DPYSL4: variants seen among roughly 807,000 people sequenced by gnomAD.
DPYSL4 encodes the protein dihydropyrimidinase like 4, also known as dihydropyrimidinase-related protein 4.
A neutral mutation model predicts 63.4 loss-of-function variants in DPYSL4; 43 were observed. That is an observed-to-expected ratio of 0.68 (90% CI 0.53 to 0.88). The LOEUF (loss-of-function observed/expected upper bound fraction) is 0.88. DPYSL4 is among the 40% of genes least tolerant of loss of function. The probability of loss-of-function intolerance (pLI) is 0.00; values close to 1 mark genes in which losing one functional copy is unlikely to be tolerated. For missense variants in DPYSL4, 733 were observed against 819.5 expected (o/e 0.89, Z 1.29); for synonymous variants, 353 against 331.7 (o/e 1.06, Z -0.70).
At chr10:132,195,589 G>A (rs1407751472) in intron 4 of DPYSL4, among the ~76,000 whole-genome samples, 2 of 152,162 alleles carry the variant, frequency 1.3e-5, no homozygotes, top group Non-Finnish European at 2.9e-5. Flanking sequence ...TCAAGGCCCT[G>A]GCACTCCCAG....
intron 12 of DPYSL4, 138 bp from the exon 13 acceptor site, chr10:132,203,624 G>A (rs1407194683): frequency 7.4e-6 from 6 of 810,368 alleles, no homozygotes; most frequent in Non-Finnish European, 1.1e-5. Context: ...CCAAATTCCT[G>A]AAGCTGGCAC....
At chr10:132,203,969 C>T (rs374622680) in intron 13 of DPYSL4, 42 bp downstream of exon 13, 8 of 1,563,300 alleles carry the variant, frequency 5.1e-6, no homozygotes, top group Non-Finnish European at 7.0e-6. Context: ...AGGGGCTCTG[C>T]CGGAGCATCC....
intron 2 of DPYSL4, among the ~76,000 whole-genome samples, chr10:132,191,055 C>G (rs2061868256): frequency 6.8e-6 from 1 of 146,532 alleles, no homozygotes; most frequent in African/African-American, 2.6e-5. Flanking sequence ...ACACGCTGGT[C>G]ACATGGTATC....
intron 9 of DPYSL4, 107 bp from the exon 10 acceptor site, chr10:132,200,735 C>G: frequency 6.9e-7 from 1 of 1,459,592 alleles, no homozygotes; most frequent in Non-Finnish European, 9.1e-7. Context: ...GAGAGCCACT[C>G]AGATGACCTC....
chr10:132,198,586 G>A, intron 7 of DPYSL4, 103 bp downstream of exon 7: 5 of 1,263,836 alleles, frequency 4.0e-6, no homozygotes, highest in Non-Finnish European at 5.5e-6. Context: ...CCCTGCCACT[G>A]TGCTCGCCCC....
chr10:132,197,170 TG>T, intron 6 of DPYSL4, 69 bp downstream of exon 6: 2 of 1,364,416 alleles, frequency 1.5e-6, no homozygotes. Context: ...GCCTGTGGGG[TG>T]GGGCAGGGGT....
chr10:132,188,974 C>T (rs1323989779), intron 1 of DPYSL4, among the ~76,000 whole-genome samples: 1 of 152,244 alleles, frequency 6.6e-6, no homozygotes, highest in Non-Finnish European at 1.5e-5. Context: ...CCTGAAAATA[C>T]AGCCCCACAG....
chr10:132,190,954 T>C (rs1191769766), intron 2 of DPYSL4, 119 bp downstream of exon 2: 1 of 977,624 alleles, frequency 1.0e-6, no homozygotes, highest in Non-Finnish European at 1.5e-6. Flanking sequence ...TCACGTGGTA[T>C]CCAGGCAGGT....
In DPYSL4 at chr10:132,195,029, C is replaced by A; in HGVS notation, c.478+20C>A. The stretch of plus-strand genomic sequence containing the variant: ...AGAAGGGTGAGGGTGGCTGGAGGGG[C>A]TGGAGGGCGGGCATGGAGCCTGGTG... On this transcript the variant is annotated intron_variant, in intron 4 of 13. Transcript: ENST00000338492. 6.3e-7 allele frequency: 1 copy of A among 1,590,586 alleles called. No individual in the cohort carries two copies. The highest frequency in any genetic ancestry group is 8.5e-7 in the Non-Finnish European group (1 of 1,174,504).
Position 132,203,867 on chromosome 10 carries a change from C to T in DPYSL4, c.1567C>T (p.Pro523Ser), listed in dbSNP as rs780508331. 73 of 1,612,944 alleles carry T rather than the reference C, an allele frequency of 4.5e-5. 1 individual carries two copies. Among genetic ancestry groups the T allele is most frequent in the Admixed American group, 1.3e-4 (8 of 60,000 alleles). ...GSGAPARASCPGKISVPPVRN... is the reference protein window; with the variant it reads ...GSGAPARASCSGKISVPPVRN... ...TGGCGCTCCGGCCCGCGCGTCCTGC[C>T]CAGGCAAGATCTCCGTCCCTCCTGT... is the stretch of plus-strand genomic sequence containing the variant. Residue 523 changes from proline to serine, a missense_variant, in exon 13 of 14, where the codon CCA becomes TCA. Physicochemically the swap from Pro to Ser is moderately conservative, Grantham distance 74. Transcript: ENST00000338492.
chr10:132,202,867 G>A (rs374490648), intron 12 of DPYSL4, 42 bp downstream of exon 12: 5 of 1,552,728 alleles, frequency 3.2e-6, no homozygotes, highest in African/African-American at 2.7e-5. Flanking sequence ...GTAGGCAGGT[G>A]GGCGCTGAGT....
intron 2 of DPYSL4, among the ~76,000 whole-genome samples, chr10:132,191,455 A>C (rs4880346): frequency 4.8e-5 from 2 of 41,700 alleles, no homozygotes; most frequent in African/African-American, 7.4e-5. Context: ...ATCCAGGCAG[A>C]TGAAAGTATG....
intron 6 of DPYSL4, 74 bp from the exon 7 acceptor site, chr10:132,198,341 C>T (rs1424275689): frequency 1.4e-6 from 2 of 1,471,692 alleles, no homozygotes; most frequent in African/African-American, 1.4e-5. Flanking sequence ...TGGGGCCTCC[C>T]AGCCTTGGGC....
intron 9 of DPYSL4, 113 bp from the exon 10 acceptor site, chr10:132,200,729 G>A: frequency 2.1e-6 from 3 of 1,441,774 alleles, no homozygotes; most frequent in South Asian, 1.4e-5. Flanking sequence ...CCCAGCGAGA[G>A]CCACTCAGAT....
chr10:132,201,077 A>G (rs529134891), intron 10 of DPYSL4, 94 bp downstream of exon 10: 2 of 1,506,590 alleles, frequency 1.3e-6, no homozygotes, highest in South Asian at 1.3e-5. Flanking sequence ...TAACCAGTGC[A>G]CACTCGTGAA....
intron 4 of DPYSL4, among the ~76,000 whole-genome samples, chr10:132,196,580 G>A (rs2061947879): frequency 1.3e-5 from 2 of 152,358 alleles, no homozygotes; most frequent in Admixed American, 1.3e-4. Flanking sequence ...GGGTGTGAGG[G>A]GTTCTCACCT....
In DPYSL4 at chr10:132,196,808, G is replaced by T. The variant is rs1019020135; in HGVS notation, c.479-53G>T. The T allele has an allele frequency of 1.2e-5, 19 of 1,601,680 alleles. No individual in the cohort carries two copies. In the African/African-American group the frequency reaches 2.3e-4, roughly 19 times the overall value. ...AGTGGGCAGGAGCAGCAGAGGCTCC[G>T]TAGGTTGTCTGACTGGTGATGGCTG... On this transcript the variant is annotated intron_variant, in intron 4 of 13. Transcript: ENST00000338492.
Position 132,202,730 on chromosome 10 carries a change from G to A in DPYSL4, c.1366G>A (p.Asp456Asn), listed in dbSNP as rs999311131. 1 of 1,613,414 alleles carries A rather than the reference G, an allele frequency of 6.2e-7. No individual in the cohort carries two copies. Among genetic ancestry groups the A allele is most frequent in the Non-Finnish European group, 8.5e-7 (1 of 1,179,982 alleles). ...AAGTCAGGGCCGAGTGGCGCTGGAG[G>A]ACGGGAAGATGTTTGTCACCCCGGG... ...VISQGRVALEDGKMFVTPGAG... is the reference protein window; with the variant it reads ...VISQGRVALENGKMFVTPGAG... The change falls in exon 12 of 14, where the codon GAC becomes AAC. Residue 456 changes from aspartate (D) to asparagine (N), a missense_variant. By Grantham distance (23) the Asp-to-Asn change is conservative (BLOSUM62 1). Transcript: ENST00000338492.
chr10:132,198,928 G>A lies in DPYSL4; in HGVS notation c.768G>A (p.Met256Ile), dbSNP rs767477122. The change falls in exon 8 of 14, where the codon ATG (methionine) becomes ATA (isoleucine). Residue 256 changes from methionine (M) to isoleucine (I), a missense_variant. Met to Ile is a conservative substitution (Grantham distance 10). Transcript: ENST00000338492. ...GCCCGCTGTACGTCACCAAGGTGATGAGCAAGGGGGCGGCCGACGCCATCG... is the reference window on the plus strand; with the variant it reads ...GCCCGCTGTACGTCACCAAGGTGATAAGCAAGGGGGCGGCCGACGCCATCG... ...ANCPLYVTKV[M>I]SKGAADAIAQ... The A allele has an allele frequency of 2.5e-6, 4 of 1,612,840 alleles. No homozygotes were observed. The South Asian group carries it at 3.3e-5, about 13-fold the overall frequency.
Sources: allele counts gnomAD v4.1 joint callset (sites outside exome capture counted in the v4.1 genomes callset), GRCh38; gene constraint gnomAD v4.1.1; transcripts MANE v1.5; gene names NCBI Gene and HGNC (gene_info 2026-07-23, HGNC 2026-07-21).